MTERF3: variants seen among roughly 807,000 people sequenced by gnomAD.
MTERF3 encodes transcription termination factor 3, mitochondrial.
A neutral mutation model predicts 40.5 loss-of-function variants in MTERF3; 40 were observed. The observed-to-expected ratio is 0.99, with a 90% CI of 0.77 to 1.29. The LOEUF (loss-of-function observed/expected upper bound fraction) is 1.29, where lower values mean the gene tolerates loss of function less well. MTERF3 is among the 50% of genes most tolerant of loss of function. The pLI, the probability that MTERF3 is intolerant of heterozygous loss-of-function variation, is 0.00. For synonymous variants in MTERF3, 158 were observed against 166.6 expected, an observed-to-expected ratio of 0.95 and a Z score of 0.40; for missense variants, 452 against 478.2, an observed-to-expected ratio of 0.95 and a Z score of 0.51.
chr8:96,249,197 C>T (rs982905575), intron 4 of MTERF3, among the ~76,000 whole-genome samples: 2 of 152,214 alleles, frequency 1.3e-5, no homozygotes, highest in African/African-American at 4.8e-5. Context: ...AAACCACTTA[C>T]TCTGCTACTT....
rs908325947 is a variant in MTERF3, at chr8:96,250,783, A to C, written c.677+123T>G. 3 of 788,538 alleles carry C rather than the reference A, an allele frequency of 3.8e-6. No individual in the cohort carries two copies. In the Admixed American group the frequency reaches 1.1e-4, roughly 29 times the overall value. 48.8% of individuals were successfully genotyped at this position (788,538 alleles called of 1,614,324 possible). ...TAATTTAGATCAAAGAAGGTCTATA[A>C]CAAAAAAAATTCATGTTATCTCAGT... is the stretch of plus-strand genomic sequence containing the variant. On this transcript the variant is annotated intron_variant, in intron 4 of 7. Transcript: ENST00000287025.
rs764980914 is a variant in MTERF3 at position 96,258,552 on chromosome 8, T to C, written c.139A>G (p.Ile47Val). The C allele has an allele frequency of 5.6e-6, 9 of 1,614,114 alleles. No homozygotes were observed. In the South Asian group the frequency reaches 9.9e-5, roughly 18 times the overall value. ...TGGAGAAAGCAATTGTCAGAGGATA[T>C]CTGAGGCTGAGCAGAAAAGCCATGT... is the stretch of plus-strand genomic sequence containing the variant. ...LLHGFSAQPQ[I>V]SSDNCFLQWG... The change falls in exon 2 of 8, where the codon ATA (isoleucine) becomes GTA (valine). Residue 47 changes from isoleucine (I) to valine (V), a missense_variant. By Grantham distance (29) the Ile-to-Val change is conservative. Coordinates refer to ENST00000287025, the MANE Select transcript of MTERF3 (RefSeq NM_015942.5).
intron 7 of MTERF3, among the ~76,000 whole-genome samples, chr8:96,240,791 G>A (rs1297646569): frequency 6.6e-6 from 1 of 151,692 alleles, no homozygotes; most frequent in African/African-American, 2.4e-5. Flanking sequence ...ATGTGAACAC[G>A]GGATGCGTTC....
At chr8:96,250,108 T>C (rs1474551736) in intron 4 of MTERF3, among the ~76,000 whole-genome samples, 2 of 152,154 alleles carry the variant, frequency 1.3e-5, no homozygotes, top group Non-Finnish European at 2.9e-5. Context: ...TCTTTGAATG[T>C]TGAATGAAGT....
chr8:96,259,954 G>A (rs1810351127), intron 1 of MTERF3, among the ~76,000 whole-genome samples: 1 of 151,876 alleles, frequency 6.6e-6, no homozygotes, highest in East Asian at 1.9e-4. Flanking sequence ...GCCCAGGCTG[G>A]AGTACAACGG....
intron 5 of MTERF3, 48 bp from the exon 6 acceptor site, chr8:96,245,979 A>C (rs765190760): frequency 1.0e-5 from 16 of 1,528,066 alleles, no homozygotes; most frequent in Non-Finnish European, 1.3e-5. Context: ...GTGCATCTTT[A>C]ACTAGTTTGG....
intron 3 of MTERF3, among the ~76,000 whole-genome samples, chr8:96,255,454 C>T (rs1481639846): frequency 6.6e-6 from 1 of 152,034 alleles, no homozygotes. Context: ...GCCTGGCCAA[C>T]AGGGTGAAAC....
chr8:96,245,743 A>G lies in MTERF3; in HGVS notation c.897+117T>C, dbSNP rs187650600. 1.3e-4 allele frequency: 109 copies of G among 828,358 alleles called. No homozygotes were observed. In the African/African-American group the frequency reaches 1.9e-3, roughly 14 times the overall value. 51.3% of individuals were successfully genotyped at this position (828,358 alleles called of 1,614,324 possible). A position where few individuals can be genotyped will look rare whatever the true frequency, so the allele number is the denominator to read the frequency against. Reference sequence around the variant, plus strand: ...GATAATTTCCTATTTCTCTTTTTAGAAATAACTTATTTTAAAGTCTAGTTT... The same window carrying G: ...GATAATTTCCTATTTCTCTTTTTAGGAATAACTTATTTTAAAGTCTAGTTT... On this transcript the variant is annotated intron_variant, in intron 6 of 7. Coordinates refer to ENST00000287025, the MANE Select transcript of MTERF3 (RefSeq NM_015942.5).
intron 7 of MTERF3, among the ~76,000 whole-genome samples, chr8:96,241,025 T>C (rs1024115692): frequency 2.6e-5 from 4 of 152,166 alleles, no homozygotes; most frequent in Non-Finnish European, 4.4e-5. Flanking sequence ...TAAATTCCCA[T>C]GATCACAATA....
intron 7 of MTERF3, 49 bp downstream of exon 7, chr8:96,243,870 A>G: frequency 6.3e-7 from 1 of 1,582,828 alleles, no homozygotes; most frequent in Non-Finnish European, 8.6e-7. Flanking sequence ...AGCAGCTCCA[A>G]ATGAAGCGCA....
At chr8:96,239,782 C>A in intron 7 of MTERF3, 97 bp from the exon 8 acceptor site, 1 of 814,324 alleles carries the variant, frequency 1.2e-6, no homozygotes, top group Non-Finnish European at 2.0e-6. Flanking sequence ...TTAACCAATA[C>A]CAAGTACTGA....
chr8:96,257,958 T>C (rs1810311538), intron 2 of MTERF3, among the ~76,000 whole-genome samples: 1 of 152,186 alleles, frequency 6.6e-6, no homozygotes, highest in Non-Finnish European at 1.5e-5. Flanking sequence ...ATATAATTGT[T>C]TTATTTGTTG....
At chr8:96,250,361 C>A (rs1331623033) in intron 4 of MTERF3, among the ~76,000 whole-genome samples, 1 of 143,932 alleles carries the variant, frequency 6.9e-6, no homozygotes, top group East Asian at 2.0e-4. Flanking sequence ...AAACGTATTC[C>A]AGTTTCTAAA....
intron 3 of MTERF3, among the ~76,000 whole-genome samples, chr8:96,256,735 CACAA>C (rs1810285831): frequency 6.6e-6 from 1 of 152,080 alleles, no homozygotes; most frequent in African/African-American, 2.4e-5. Context: ...GGAGGTTGAA[CACAA>C]ACAGAAAGAA....
chr8:96,240,022 C>G (rs1325916148), intron 7 of MTERF3, among the ~76,000 whole-genome samples: 2 of 151,972 alleles, frequency 1.3e-5, no homozygotes, highest in Non-Finnish European at 2.9e-5. Flanking sequence ...CTGAGGCAGG[C>G]GGATCATCTG....
chr8:96,248,937 T>C (rs1810071931), intron 4 of MTERF3, among the ~76,000 whole-genome samples: 1 of 152,198 alleles, frequency 6.6e-6, no homozygotes, highest in East Asian at 1.9e-4. Context: ...GTATACTCTT[T>C]TGAATACATG....
At chr8:96,240,897 T>C (rs1809915136) in intron 7 of MTERF3, among the ~76,000 whole-genome samples, 1 of 152,076 alleles carries the variant, frequency 6.6e-6, no homozygotes, top group Non-Finnish European at 1.5e-5. Flanking sequence ...AAAACCAAAG[T>C]ACTATGAGAA....
intron 4 of MTERF3, among the ~76,000 whole-genome samples, chr8:96,247,641 G>A (rs1810046446): frequency 6.6e-6 from 1 of 152,002 alleles, no homozygotes; most frequent in Admixed American, 6.6e-5. Context: ...AAAGCCTATG[G>A]TATTTTTATA....
At chr8:96,244,802 AC>A (rs1362522830) in intron 6 of MTERF3, among the ~76,000 whole-genome samples, 1 of 152,064 alleles carries the variant, frequency 6.6e-6, no homozygotes, top group African/African-American at 2.4e-5. Context: ...AGAATTTCAA[AC>A]CCCTCTGCTG....
Sources: allele counts gnomAD v4.1 joint callset (sites outside exome capture counted in the v4.1 genomes callset), GRCh38; gene constraint gnomAD v4.1.1; transcripts MANE v1.5; gene names NCBI Gene and HGNC (gene_info 2026-07-23, HGNC 2026-07-21).